PPP1R13L: variants seen among roughly 807,000 people sequenced by gnomAD.
The protein encoded by PPP1R13L is relA-associated inhibitor.
PPP1R13L carries 50 observed loss-of-function variants against 80.9 expected under a neutral mutation model. That is an observed-to-expected ratio of 0.62 (90% CI 0.49 to 0.78). The LOEUF (loss-of-function observed/expected upper bound fraction) is 0.78. Ranked by LOEUF, PPP1R13L falls within the 30% of genes least tolerant of loss-of-function variation. PPP1R13L has a pLI of 0.00. For missense variants in PPP1R13L, 1,200 were observed against 1,205.9 expected (o/e 1.00, Z 0.07); for synonymous variants, 602 against 534.3 (o/e 1.13, Z -1.75).
chr19:45,396,771 C>G lies in PPP1R13L; in HGVS notation c.486G>C (p.Gly162=), dbSNP rs999506051. ...GACCCTGCTGGCGGAGCGGGCCTGG[C>G]CCGGGCCGCGGGGAGGGCGCACGGC... ...SLGRAPSPRP[G]PGPLRQQGPP... is the part of the protein sequence containing the mutation. The change falls in exon 4 of 13, where the codon GGG becomes GGC. Residue 162 remains glycine (G), a synonymous_variant. Coordinates refer to ENST00000360957, the MANE Select transcript of PPP1R13L (RefSeq NM_006663.4). The surrounding 1 kb of genome is among the most constrained non-coding windows in gnomAD (Gnocchi z 5.3). The G allele has an allele frequency of 1.5e-6, 2 of 1,356,458 alleles. No homozygotes were observed. The highest frequency in any genetic ancestry group is 1.9e-6 in the Non-Finnish European group (2 of 1,065,138). The allele number at this position is 1,356,458 out of a possible 1,614,324, so 84.0% of individuals were successfully genotyped here. A position where few individuals can be genotyped will look rare whatever the true frequency, so the allele number is the denominator to read the frequency against.
In PPP1R13L at chr19:45,402,477, G is replaced by A. The variant is rs1410645958; in HGVS notation, c.-22+2522C>T. On this transcript the variant is annotated intron_variant, in intron 1 of 12. Transcript: ENST00000360957. ...GTGTGGGGCTGTCGCGGGGACAGGC[G>A]GTGGGGACGTCGGAGCCACCAGGGG... Among the ~76,000 whole-genome samples, 3 of 152,246 alleles carry A rather than the reference G, an allele frequency of 2.0e-5. No individual in the cohort carries two copies. The East Asian group carries it at 5.8e-4, about 29-fold the overall frequency.
At position 45,400,472 on chromosome 19, in the gene PPP1R13L, G is replaced by T. The variant is rs529614507; in HGVS notation, c.-21-2133C>A. 5.3e-5 allele frequency among the ~76,000 whole-genome samples: 8 copies of T among 152,104 alleles called. 1 individual carries two copies. Among genetic ancestry groups the T allele is most frequent in the Admixed American group, 5.3e-4 (8 of 15,224 alleles). On this transcript the variant is annotated intron_variant, in intron 1 of 12. Coordinates refer to ENST00000360957, the MANE Select transcript of PPP1R13L (RefSeq NM_006663.4). ...GCTGATACCCGCCTCTGTCTGGGAA[G>T]TCGAAGGAACAGAACCTGTTCAGGC...
chr19:45,386,140 T>A lies in PPP1R13L; in HGVS notation c.1856A>T (p.Lys619Met). ...AGGGTTGAGGCGCGCGCGGCGGGCC[T>A]TGCGCGGGGAGCCCGCCTTCCGCAG... ...SVLRKAGSPR[K>M]ARRARLNPLV... is the part of the protein sequence containing the mutation. Residue 619 changes from lysine to methionine, a missense_variant, in exon 9 of 13, where the codon AAG (lysine) becomes ATG (methionine). Physicochemically the swap from Lys to Met is moderately conservative, Grantham distance 95 (BLOSUM62 -1). Around this residue, in one of 5 missense-constraint regions of PPP1R13L, gnomAD observed 214 missense variants for 199.6 expected, o/e 1.07. Transcript: ENST00000360957. 1 of 1,542,224 alleles carries A rather than the reference T, an allele frequency of 6.5e-7. No homozygotes were observed.
chr19:45,396,282 G>C lies in PPP1R13L; in HGVS notation c.812-23C>G. On this transcript the variant is annotated intron_variant, in intron 5 of 12. Transcript: ENST00000360957. This position sits in a 1 kb window ranked among gnomAD's most constrained non-coding sequence, Gnocchi z 5.3. The stretch of plus-strand genomic sequence containing the variant: ...GGCCTGCGGGGCGGGAATCATTAGG[G>C]TCTGTGGGGCTGCCTCTCCTCCGGG... 6.2e-7 allele frequency: 1 copy of C among 1,613,244 alleles called. No individual in the cohort carries two copies. The highest frequency in any genetic ancestry group is 8.5e-7 in the Non-Finnish European group (1 of 1,179,898).
Position 45,389,773 on chromosome 19 carries a change from T to TTTTA in PPP1R13L, c.1815+2103_1815+2106dup, listed in dbSNP as rs574348598. ...CAGCACCCAGCCGAGACTCACTTGT[T>TTTTA]TTTATTTATTTATTTATTTATTTTT... On this transcript the variant is annotated intron_variant, in intron 8 of 12. Coordinates refer to ENST00000360957, the MANE Select transcript of PPP1R13L (RefSeq NM_006663.4). 1.0e-3 allele frequency among the ~76,000 whole-genome samples: 153 copies of TTTTA among 152,140 alleles called. 1 individual carries two copies. In the Middle Eastern group the frequency reaches 0.01, roughly 10 times the overall value.
chr19:45,394,065 G>A (rs748572513), intron 7 of PPP1R13L, among the ~76,000 whole-genome samples: 7 of 152,136 alleles, frequency 4.6e-5, no homozygotes, highest in Non-Finnish European at 7.4e-5. Flanking sequence ...AGTGAAGAGA[G>A]ACTCCAGCCC....
At chr19:45,386,518 G>T (rs573235246) in intron 8 of PPP1R13L, among the ~76,000 whole-genome samples, 7 of 152,144 alleles carry the variant, frequency 4.6e-5, no homozygotes, top group African/African-American at 1.7e-4. Context: ...CATTTCTTTT[G>T]TTAATAATGA....
chr19:45,392,126 G>A lies in PPP1R13L; in HGVS notation c.1569C>T (p.Arg523=), dbSNP rs769491023. ...CAGGGGCCTGCTCCATGGAGCCCCT[G>A]CGTTTGAGGGGCCGGGGAATTTCCG... ...VLAEIPRPLK[R]RGSMEQAPAV... The change falls in exon 8 of 13, where the codon CGC becomes CGT. Residue 523 remains arginine, a synonymous_variant. Transcript: ENST00000360957. 4.5e-6 allele frequency: 7 copies of A among 1,569,340 alleles called. No homozygotes were observed. Among genetic ancestry groups the A allele is most frequent in the South Asian group, 3.6e-5 (3 of 84,132 alleles).
At chr19:45,393,218 C>T (rs1039417201) in intron 7 of PPP1R13L, 4 of 151,136 alleles carry the variant, frequency 2.6e-5, no homozygotes, top group African/African-American at 9.7e-5. Context: ...TACACACACA[C>T]ACACAAACAC....
Position 45,398,003 on chromosome 19 carries a change from AC to A in PPP1R13L, c.198+1del, listed in dbSNP as rs1476849096. ...GGAGATCAAGGTGGGAACCAGGCTT[AC>A]CCTAGAAGGGGGTCCGGCCTGCGGG... On this transcript the variant is annotated splice_donor_variant, in intron 3 of 12. Transcript: ENST00000360957. LOFTEE classifies it high-confidence loss of function. The A allele has an allele frequency of 1.2e-6, 2 of 1,608,346 alleles. No homozygotes were observed. Among genetic ancestry groups the A allele is most frequent in the African/African-American group, 2.7e-5 (2 of 74,822 alleles).
chr19:45,395,973 G>T, intron 6 of PPP1R13L, 87 bp from the exon 7 acceptor site: 1 of 1,347,578 alleles, frequency 7.4e-7, no homozygotes, highest in Non-Finnish European at 1.0e-6. Context: ...GGGAGAGGAG[G>T]TGAGGGAAGC....
At chr19:45,394,394 T>A (rs1973039121) in intron 7 of PPP1R13L, among the ~76,000 whole-genome samples, 1 of 152,060 alleles carries the variant, frequency 6.6e-6, no homozygotes, top group Non-Finnish European at 1.5e-5. Context: ...CCTGTCTGCA[T>A]TAGCCCACCA....
At position 45,398,336 on chromosome 19, in the gene PPP1R13L, G is replaced by A. The variant is rs774656500; in HGVS notation, c.-18C>T. Reference sequence around the variant, plus strand: ...CTGTCCATGGTGCCGGCCGGAGCGGGCGCCTGCATGGTGGGGAGGGAGGGA... The same window carrying A: ...CTGTCCATGGTGCCGGCCGGAGCGGACGCCTGCATGGTGGGGAGGGAGGGA... On this transcript the variant is annotated 5_prime_UTR_variant, in exon 2 of 13. Coordinates refer to ENST00000360957, the MANE Select transcript of PPP1R13L (RefSeq NM_006663.4). 11 of 1,613,042 alleles carry A rather than the reference G, an allele frequency of 6.8e-6. No individual in the cohort carries two copies. The Middle Eastern group carries it at 1.3e-3, about 197-fold the overall frequency.
chr19:45,397,920 G>C, intron 3 of PPP1R13L, 85 bp downstream of exon 3: 1 of 1,504,796 alleles, frequency 6.6e-7, no homozygotes, highest in Non-Finnish European at 8.9e-7. Flanking sequence ...TAACTATATG[G>C]GGCAATTTTG....
chr19:45,382,116 C>A (rs1296432547), intron 12 of PPP1R13L, among the ~76,000 whole-genome samples: 1 of 151,620 alleles, frequency 6.6e-6, no homozygotes, highest in Non-Finnish European at 1.5e-5. Context: ...TGGTGGTGGG[C>A]GCCTGTAATC....
Position 45,392,329 on chromosome 19 carries a change from G to C in PPP1R13L, c.1366C>G (p.Pro456Ala), listed in dbSNP as rs778503013. 8 of 1,613,306 alleles carry C rather than the reference G, an allele frequency of 5.0e-6. No individual in the cohort carries two copies. Among genetic ancestry groups the C allele is most frequent in the Non-Finnish European group, 5.9e-6 (7 of 1,180,010 alleles). The change falls in exon 8 of 13, where the codon CCC becomes GCC. Residue 456 changes from proline (P) to alanine (A), a missense_variant. Pro to Ala is a conservative substitution (Grantham distance 27). Around this residue, in one of 5 missense-constraint regions of PPP1R13L, gnomAD observed 764 missense variants for 714.5 expected, o/e 1.07. Coordinates refer to ENST00000360957, the MANE Select transcript of PPP1R13L (RefSeq NM_006663.4). ...WPPVNEGPPK[P>A]PTELEPEPEI... is the part of the protein sequence containing the mutation. The stretch of plus-strand genomic sequence containing the variant: ...GGCTCAGGCTCCAGCTCGGTGGGGG[G>C]TTTGGGGGGTCCTAGCCGGAACAAG...
Position 45,396,607 on chromosome 19 carries a change from G to A in PPP1R13L, c.650C>T (p.Ala217Val). Residue 217 changes from alanine (A) to valine (V), a missense_variant, in exon 4 of 13, where the codon GCC (alanine) becomes GTC (valine). Around this residue, in one of 5 missense-constraint regions of PPP1R13L, gnomAD observed 764 missense variants for 714.5 expected, o/e 1.07. Coordinates refer to ENST00000360957, the MANE Select transcript of PPP1R13L (RefSeq NM_006663.4). This position sits in a 1 kb window ranked among gnomAD's most constrained non-coding sequence, Gnocchi z 5.3. ...PATAYDAPAS[A>V]FGSSLLGSGG... ...GGAGCCTAGCAGGGAGCTCCCGAAG[G>A]CGGACGCTGGCGCGTCGTAGGCTGT... The A allele has an allele frequency of 6.7e-7, 1 of 1,495,056 alleles. No homozygotes were observed. Among genetic ancestry groups the A allele is most frequent in the Non-Finnish European group, 8.8e-7 (1 of 1,131,406 alleles). 92.6% of individuals were successfully genotyped at this position (1,495,056 alleles called of 1,614,324 possible).
At chr19:45,383,293 CTT>C (rs1164667426) in intron 11 of PPP1R13L, among the ~76,000 whole-genome samples, 8,837 of 62,156 alleles carry the variant, frequency 0.14, 346 homozygotes, top group African/African-American at 0.28. Flanking sequence ...CGCGCCCGGC[CTT>C]TTTTTTTTTT....
intron 6 of PPP1R13L, 52 bp from the exon 7 acceptor site, chr19:45,395,938 G>T: frequency 1.4e-6 from 2 of 1,469,036 alleles, no homozygotes. Context: ...GAAGGTGGAG[G>T]GGAGGTAAAG....
Sources: allele counts gnomAD v4.1 joint callset (sites outside exome capture counted in the v4.1 genomes callset), GRCh38; gene constraint gnomAD v4.1.1; regional missense constraint gnomAD v4.1.1; non-coding constraint Gnocchi (gnomAD v3.1); transcripts MANE v1.5; gene names NCBI Gene and HGNC (gene_info 2026-07-23, HGNC 2026-07-21).